The following RGS6 variants were observed in gnomAD, a reference collection of about 807,000 sequenced individuals.
The protein encoded by RGS6 is regulator of G protein signaling 6.
RGS6 carries 30 observed loss-of-function variants against 78.5 expected under a neutral mutation model. The ratio of observed to expected loss-of-function variants is 0.38; its 90% CI spans 0.29 to 0.52. The LOEUF is 0.52. Ranked by LOEUF, RGS6 falls within the 20% of genes least tolerant of loss-of-function variation. RGS6 has a pLI of 0.85. For missense variants in RGS6, 495 were observed against 609.7 expected (o/e 0.81, Z 1.98); for synonymous variants, 206 against 206.0 (o/e 1.00, Z 0.00).
chr14:72,079,575 C>T (rs74773449), intron 2 of RGS6, among the ~76,000 whole-genome samples: 4,984 of 152,180 alleles, frequency 0.033, 121 homozygotes, highest in Middle Eastern at 0.085. Context: ...GTCACCCACC[C>T]AGCAACTTTC....
the RGS6 span, among the ~76,000 whole-genome samples, chr14:71,904,857 G>A: frequency 1.4e-5 from 1 of 73,060 alleles, no homozygotes; most frequent in East Asian, 2.8e-4. Flanking sequence ...TTTTACCCCT[G>A]GGCTTTTAAC....
intron 2 of RGS6, among the ~76,000 whole-genome samples, chr14:72,208,366 A>G (rs1026718208): frequency 3.3e-5 from 5 of 152,200 alleles, no homozygotes; most frequent in African/African-American, 1.2e-4. Flanking sequence ...TCATGAAGCG[A>G]TGCCTGACCA....
the RGS6 span, among the ~76,000 whole-genome samples, chr14:72,599,172 C>G: frequency 6.6e-5 from 10 of 152,124 alleles, no homozygotes; most frequent in African/African-American, 2.4e-4. Context: ...AACTCTTTCC[C>G]CAACAAAATT....
At chr14:71,872,346 A>G in the RGS6 span, among the ~76,000 whole-genome samples, 2 of 152,102 alleles carry the variant, frequency 1.3e-5, no homozygotes, top group Non-Finnish European at 1.5e-5. Flanking sequence ...TGCCTGATCT[A>G]TGTGGCATGG....
intron 2 of RGS6, among the ~76,000 whole-genome samples, chr14:72,094,550 G>A (rs1420685151): frequency 6.6e-6 from 1 of 152,094 alleles, no homozygotes; most frequent in African/African-American, 2.4e-5. Context: ...TATCCATCAA[G>A]AGTCAATTTG....
At position 72,284,080 on chromosome 14, in the gene RGS6, G is replaced by T. The variant is rs1358550311; in HGVS notation, c.85-68015G>T. ...AGATGATTTAGGGTATCTGGCAGAA[G>T]AAATTGCTAAGCAGCAAACCATTCA... On this transcript the variant is annotated intron_variant, in intron 2 of 17. Coordinates refer to ENST00000553525, the MANE Select transcript of RGS6 (RefSeq NM_001204424.2). Among the ~76,000 whole-genome samples the T allele has an allele frequency of 2.6e-5, 4 of 152,180 alleles. No individual in the cohort carries two copies. In the East Asian group the frequency reaches 7.7e-4, roughly 29 times the overall value.
chr14:72,600,697 C>T, the RGS6 span, among the ~76,000 whole-genome samples: 2 of 152,148 alleles, frequency 1.3e-5, no homozygotes, highest in Non-Finnish European at 2.9e-5. Flanking sequence ...AGTCTGGACC[C>T]CTGCCGGGCT....
chr14:72,296,802 T>C lies in RGS6; in HGVS notation c.85-55293T>C, dbSNP rs559135243. The stretch of plus-strand genomic sequence containing the variant: ...TAAATTTTGCAGTTAAATTTATGGA[T>C]ATTTTTCTCTTATGGTTATTGCGTT... On this transcript the variant is annotated intron_variant, in intron 2 of 17. Transcript: ENST00000553525. Among the ~76,000 whole-genome samples the C allele has an allele frequency of 3.9e-5, 6 of 152,328 alleles. No homozygotes were observed. The East Asian group carries it at 1.2e-3, about 29-fold the overall frequency.
At chr14:72,318,559 T>G (rs1399796200) in intron 2 of RGS6, among the ~76,000 whole-genome samples, 2 of 152,198 alleles carry the variant, frequency 1.3e-5, no homozygotes, top group Admixed American at 1.3e-4. Flanking sequence ...TCTATATCCA[T>G]GAACCACAAT....
At chr14:71,946,435 C>T (rs2091530357) in intron 1 of RGS6, among the ~76,000 whole-genome samples, 1 of 152,124 alleles carries the variant, frequency 6.6e-6, no homozygotes, top group South Asian at 2.1e-4. Flanking sequence ...CACTCCTTGT[C>T]CTGCTGGTCC....
At chr14:72,409,617 G>A (rs1416366267) in intron 3 of RGS6, among the ~76,000 whole-genome samples, 1 of 151,798 alleles carries the variant, frequency 6.6e-6, no homozygotes, top group Non-Finnish European at 1.5e-5. Flanking sequence ...ACAATGTGCA[G>A]GTTTGTTACA....
chr14:72,122,999 C>T (rs921737268), intron 2 of RGS6, among the ~76,000 whole-genome samples: 3 of 152,160 alleles, frequency 2.0e-5, no homozygotes, highest in Admixed American at 6.5e-5. Flanking sequence ...CAGAGTCTCA[C>T]TCTACCACCC....
chr14:72,316,556 C>T (rs567599642), intron 2 of RGS6, among the ~76,000 whole-genome samples: 56 of 152,288 alleles, frequency 3.7e-4, no homozygotes, highest in African/African-American at 9.9e-4. Context: ...TCCCTACAAA[C>T]GGCATGAACT....
intron 2 of RGS6, among the ~76,000 whole-genome samples, chr14:72,043,426 G>T (rs1203358665): frequency 6.6e-6 from 1 of 151,938 alleles, no homozygotes; most frequent in African/African-American, 2.4e-5. Flanking sequence ...GGGCAAATTT[G>T]CTGGCAATGA....
intron 13 of RGS6, among the ~76,000 whole-genome samples, chr14:72,508,601 G>C (rs1302551307): frequency 1.0e-5 from 1 of 100,170 alleles, no homozygotes; most frequent in Admixed American, 1.3e-4. Flanking sequence ...TTTACTAAGT[G>C]GAATTTTCCA....
chr14:72,430,855 C>G (rs1344185536), intron 3 of RGS6, among the ~76,000 whole-genome samples: 1 of 152,058 alleles, frequency 6.6e-6, no homozygotes, highest in Non-Finnish European at 1.5e-5. Flanking sequence ...GCTTTAAAAC[C>G]CAGAACAGCT....
At chr14:72,004,230 TG>T (rs2084072566) in intron 2 of RGS6, among the ~76,000 whole-genome samples, 3 of 152,176 alleles carry the variant, frequency 2.0e-5, no homozygotes, top group South Asian at 4.1e-4. Context: ...AACCATTTAC[TG>T]ACGTTGTAGT....
upstream of RGS6, among the ~76,000 whole-genome samples, chr14:71,929,578 ATAAT>A (rs2087771406): frequency 6.6e-6 from 1 of 152,250 alleles, no homozygotes; most frequent in African/African-American, 2.4e-5. Context: ...GTACTTATTA[ATAAT>A]TAATGATGTA....
chr14:72,349,782 A>T (rs1230921376), intron 2 of RGS6, among the ~76,000 whole-genome samples: 1 of 152,202 alleles, frequency 6.6e-6, no homozygotes, highest in African/African-American at 2.4e-5. Flanking sequence ...CAATCCTTCA[A>T]ATCCAGCCCG....
Sources: allele counts gnomAD v4.1 joint callset (sites outside exome capture counted in the v4.1 genomes callset), GRCh38; gene constraint gnomAD v4.1.1; transcripts MANE v1.5; gene names NCBI Gene and HGNC (gene_info 2026-07-23, HGNC 2026-07-21).